TTLL7: variants seen among roughly 807,000 people sequenced by gnomAD.
TTLL7 encodes tubulin tyrosine ligase like 7.
In TTLL7, 53 loss-of-function variants were observed where a neutral mutation model predicts 120.2. That is an observed-to-expected ratio of 0.44 (90% CI 0.35 to 0.55). The LOEUF is 0.55. Ranked by LOEUF, TTLL7 falls within the 20% of genes least tolerant of loss-of-function variation. The pLI, the probability that TTLL7 is intolerant of heterozygous loss-of-function variation, is 0.00. For synonymous variants in TTLL7, 353 were observed against 351.7 expected, an observed-to-expected ratio of 1.00 and a Z score of -0.04; for missense variants, 803 against 1,054.7, an observed-to-expected ratio of 0.76 and a Z score of 3.31.
At chr1:83,910,884 T>TGAGG (rs1295154099) in intron 15 of TTLL7, among the ~76,000 whole-genome samples, 1 of 152,106 alleles carries the variant, frequency 6.6e-6, no homozygotes, top group East Asian at 1.9e-4. Flanking sequence ...AGATCAGCCA[T>TGAGG]GAGGCACATT....
At position 83,911,203 on chromosome 1, in the gene TTLL7, A is replaced by C. The variant is rs368430039; in HGVS notation, c.1748T>G (p.Leu583Arg). ...KKREKQVTYN[L>R]KPSNHYKLIQ... ...TAATTTGTAGTGGTTGGAGGGTTTA[A>C]GATTATATGTAACTTGCTTTTCTCT... is the stretch of plus-strand genomic sequence containing the variant. The change falls in exon 15 of 21, where the codon CTT becomes CGT. Residue 583 changes from leucine (L) to arginine (R), a missense_variant. Coordinates refer to ENST00000260505, the MANE Select transcript of TTLL7 (RefSeq NM_024686.6). 6 of 1,612,900 alleles carry C rather than the reference A, an allele frequency of 3.7e-6. No homozygotes were observed. The highest frequency in any genetic ancestry group is 5.1e-6 in the Non-Finnish European group (6 of 1,179,176).
At chr1:83,935,778 T>C (rs1461320101) in intron 8 of TTLL7, among the ~76,000 whole-genome samples, 1 of 152,166 alleles carries the variant, frequency 6.6e-6, no homozygotes, top group African/African-American at 2.4e-5. Flanking sequence ...TACTGCATAA[T>C]TGCTTTCTCC....
At chr1:83,967,099 C>T (rs1279490012) in intron 1 of TTLL7, among the ~76,000 whole-genome samples, 1 of 151,984 alleles carries the variant, frequency 6.6e-6, no homozygotes, top group Non-Finnish European at 1.5e-5. Flanking sequence ...AGGGTTCTTT[C>T]AACATGTATA....
intron 14 of TTLL7, among the ~76,000 whole-genome samples, chr1:83,912,250 T>C (rs895136769): frequency 4.6e-5 from 7 of 152,170 alleles, no homozygotes; most frequent in Admixed American, 1.3e-4. Flanking sequence ...GAAAATGCCA[T>C]GCTGTTACGT....
At chr1:83,966,767 A>G (rs1013488925) in intron 1 of TTLL7, among the ~76,000 whole-genome samples, 4 of 152,120 alleles carry the variant, frequency 2.6e-5, no homozygotes, top group African/African-American at 9.7e-5. Context: ...TCTTATAATC[A>G]CTGTCAAGTG....
intron 1 of TTLL7, among the ~76,000 whole-genome samples, chr1:83,996,509 T>C (rs758610841): frequency 1.3e-5 from 2 of 152,214 alleles, no homozygotes; most frequent in Non-Finnish European, 2.9e-5. Flanking sequence ...TTTAATTCAC[T>C]TCAACCCATG....
chr1:83,996,281 G>C (rs1327480584), intron 1 of TTLL7, among the ~76,000 whole-genome samples: 1 of 152,148 alleles, frequency 6.6e-6, no homozygotes, highest in Non-Finnish European at 1.5e-5. Context: ...TAGTACCCAG[G>C]AAACAGACCA....
At chr1:83,978,799 C>G (rs181779322) in intron 1 of TTLL7, among the ~76,000 whole-genome samples, 52 of 148,556 alleles carry the variant, frequency 3.5e-4, no homozygotes, top group African/African-American at 1.2e-3. Flanking sequence ...ATGGAAATGT[C>G]TAACATAAAA....
intron 1 of TTLL7, among the ~76,000 whole-genome samples, chr1:83,986,377 A>C (rs1171210125): frequency 6.6e-6 from 1 of 152,230 alleles, no homozygotes; most frequent in East Asian, 1.9e-4. Context: ...TCATACATCC[A>C]TATCAATTGA....
chr1:83,975,761 C>T (rs1651410117), intron 1 of TTLL7, among the ~76,000 whole-genome samples: 1 of 152,038 alleles, frequency 6.6e-6, no homozygotes, highest in Non-Finnish European at 1.5e-5. Flanking sequence ...TCAAAGGGGC[C>T]TCCCCATATA....
chr1:83,954,917 A>G (rs559328352), intron 1 of TTLL7, among the ~76,000 whole-genome samples: 3 of 152,152 alleles, frequency 2.0e-5, no homozygotes, highest in African/African-American at 7.2e-5. Flanking sequence ...AATGATTTTT[A>G]AGATAAAGAA....
At chr1:83,882,471 T>A (rs12070052) in intron 20 of TTLL7, among the ~76,000 whole-genome samples, 3,652 of 152,056 alleles carry the variant, frequency 0.024, 72 homozygotes, top group African/African-American at 0.053. Context: ...GAAAACTATT[T>A]TAACTGGATA....
intron 20 of TTLL7, among the ~76,000 whole-genome samples, chr1:83,870,864 G>A (rs968521174): frequency 1.9e-4 from 28 of 150,930 alleles, no homozygotes; most frequent in Admixed American, 1.5e-3. Context: ...AGCTGAGATC[G>A]CGCCATTGCA....
At chr1:83,880,892 G>C (rs1310289505) in intron 20 of TTLL7, among the ~76,000 whole-genome samples, 1 of 151,494 alleles carries the variant, frequency 6.6e-6, no homozygotes, top group Non-Finnish European at 1.5e-5. Flanking sequence ...CCAAAACAGA[G>C]ATATAGATCA....
intron 8 of TTLL7, among the ~76,000 whole-genome samples, chr1:83,934,572 A>G (rs532977940): frequency 6.6e-6 from 1 of 152,188 alleles, no homozygotes; most frequent in South Asian, 2.1e-4. Flanking sequence ...AAAACACATA[A>G]TACTACTAGG....
chr1:83,923,662 C>T (rs1033402000), intron 10 of TTLL7, among the ~76,000 whole-genome samples: 2 of 152,080 alleles, frequency 1.3e-5, no homozygotes, highest in Non-Finnish European at 2.9e-5. Flanking sequence ...CACTTTCTGG[C>T]CCTTAGGAAT....
chr1:83,897,368 TA>T lies in TTLL7; in HGVS notation c.2208+6710del, dbSNP rs565366162. 3.5e-3 allele frequency among the ~76,000 whole-genome samples: 529 copies of T among 152,166 alleles called. 3 individuals are homozygous for T. The highest frequency in any genetic ancestry group is 0.012 in the African/African-American group (517 of 41,556). On this transcript the variant is annotated intron_variant, in intron 18 of 20. Transcript: ENST00000260505. ...TTGAATGCATGATTAAGTGAGCAAA[TA>T]AATGAATGAGTAAACAACTCTCAAA...
chr1:83,939,219 T>G (rs963205335), intron 7 of TTLL7, among the ~76,000 whole-genome samples: 7 of 152,158 alleles, frequency 4.6e-5, no homozygotes, highest in African/African-American at 1.7e-4. Context: ...ATCTTATGCT[T>G]ACCTAATTTT....
At chr1:83,940,300 T>TAA (rs1404640262) in intron 7 of TTLL7, among the ~76,000 whole-genome samples, 1 of 152,180 alleles carries the variant, frequency 6.6e-6, no homozygotes, top group Non-Finnish European at 1.5e-5. Context: ...ACTCCCACCT[T>TAA]ACATATATAT....
Sources: allele counts gnomAD v4.1 joint callset (sites outside exome capture counted in the v4.1 genomes callset), GRCh38; gene constraint gnomAD v4.1.1; transcripts MANE v1.5; gene names NCBI Gene and HGNC (gene_info 2026-07-23, HGNC 2026-07-21).